Variants in LRRTM4 observed in about 807,000 individuals in gnomAD.
LRRTM4 encodes the protein leucine rich repeat transmembrane neuronal 4, also known as leucine-rich repeat transmembrane neuronal protein 4.
Under a neutral mutation model 47.6 loss-of-function variants are expected in LRRTM4, and 25 were observed. That is an observed-to-expected ratio of 0.53 (90% CI 0.38 to 0.73). LRRTM4 has a LOEUF of 0.73. Among genes scored for constraint, LRRTM4 ranks in the 30% least tolerant of loss-of-function variants. LRRTM4 has a pLI of 0.00. For missense variants in LRRTM4, 638 were observed against 713.4 expected, an observed-to-expected ratio of 0.89 and a Z score of 1.20; for synonymous variants, 311 against 269.5, an observed-to-expected ratio of 1.15 and a Z score of -1.51.
At chr2:77,456,998 G>A (rs1676572213) in intron 3 of LRRTM4, among the ~76,000 whole-genome samples, 1 of 30,398 alleles carries the variant, frequency 3.3e-5, no homozygotes, top group Non-Finnish European at 6.4e-5. Context: ...GTGTATGTGT[G>A]TGTGTGTATA....
intron 3 of LRRTM4, among the ~76,000 whole-genome samples, chr2:77,108,184 C>T (rs555366549): frequency 3.4e-4 from 52 of 151,942 alleles, no homozygotes; most frequent in African/African-American, 1.2e-3. Flanking sequence ...TCAGATATTG[C>T]AAAGGCCACA....
intron 3 of LRRTM4, among the ~76,000 whole-genome samples, chr2:77,480,833 GAGAGA>G (rs1193057909): frequency 0.042 from 2,064 of 48,636 alleles, 24 homozygotes; most frequent in African/African-American, 0.09. Flanking sequence ...GAGAGAGAGA[GAGAGA>G]GAGAGAGAGA....
At chr2:77,449,378 C>T (rs13387293) in intron 3 of LRRTM4, among the ~76,000 whole-genome samples, 6,159 of 152,078 alleles carry the variant, frequency 0.04, 132 homozygotes, top group Non-Finnish European at 0.057. Context: ...TAAAATGATA[C>T]GAGAATTGTG....
intron 3 of LRRTM4, among the ~76,000 whole-genome samples, chr2:77,101,315 G>A (rs966333429): frequency 5.6e-4 from 85 of 152,078 alleles, no homozygotes; most frequent in Non-Finnish European, 5.6e-4. Context: ...TAAAATCTGA[G>A]GAATAATTAT....
At chr2:77,164,064 C>T (rs1465747471) in intron 3 of LRRTM4, among the ~76,000 whole-genome samples, 1 of 152,108 alleles carries the variant, frequency 6.6e-6, no homozygotes, top group Non-Finnish European at 1.5e-5. Flanking sequence ...TCAGGAGACC[C>T]ATCTCACATG....
At chr2:77,356,067 C>CT (rs1671955864) in intron 3 of LRRTM4, among the ~76,000 whole-genome samples, 1 of 152,132 alleles carries the variant, frequency 6.6e-6, no homozygotes, top group African/African-American at 2.4e-5. Context: ...ACACTCCTGC[C>CT]TAGGCAACAA....
chr2:77,394,718 C>T (rs969035947), intron 3 of LRRTM4, among the ~76,000 whole-genome samples: 1 of 151,954 alleles, frequency 6.6e-6, no homozygotes, highest in African/African-American at 2.4e-5. Context: ...CTCATATTCA[C>T]TTTGGGGTAG....
At chr2:76,795,254 T>TAA (rs201586305) in intron 3 of LRRTM4, among the ~76,000 whole-genome samples, 4,356 of 152,210 alleles carry the variant, frequency 0.029, no homozygotes, top group African/African-American at 0.086. Flanking sequence ...TAAAAATCAT[T>TAA]TTTAATTGAC....
chr2:76,991,091 A>G (rs897097697), intron 3 of LRRTM4, among the ~76,000 whole-genome samples: 6 of 151,790 alleles, frequency 4.0e-5, no homozygotes, highest in Non-Finnish European at 7.4e-5. Context: ...ACATTCTTTG[A>G]AATAAACGAA....
intron 3 of LRRTM4, among the ~76,000 whole-genome samples, chr2:76,974,923 CT>C (rs1457376998): frequency 7.3e-5 from 11 of 151,318 alleles, no homozygotes; most frequent in Admixed American, 5.3e-4. Flanking sequence ...ATAATAATAT[CT>C]TTTTTCTCTT....
chr2:77,284,403 A>T (rs1374479361), intron 3 of LRRTM4, among the ~76,000 whole-genome samples: 1 of 152,118 alleles, frequency 6.6e-6, no homozygotes, highest in Non-Finnish European at 1.5e-5. Context: ...CACAAGTAAA[A>T]TGTTTTGCTT....
At chr2:77,313,502 T>G (rs577214047) in intron 3 of LRRTM4, among the ~76,000 whole-genome samples, 2 of 139,158 alleles carry the variant, frequency 1.4e-5, no homozygotes, top group Non-Finnish European at 3.1e-5. Context: ...GGAGTTGGTG[T>G]TGTGATGTTC....
intron 3 of LRRTM4, among the ~76,000 whole-genome samples, chr2:76,940,139 G>A (rs928209631): frequency 6.6e-6 from 1 of 151,986 alleles, no homozygotes; most frequent in African/African-American, 2.4e-5. Context: ...CCACTACTGG[G>A]TATATACCTA....
chr2:76,985,460 G>A (rs1676761110), intron 3 of LRRTM4, among the ~76,000 whole-genome samples: 1 of 151,940 alleles, frequency 6.6e-6, no homozygotes, highest in South Asian at 2.1e-4. Context: ...GAAGCAATAG[G>A]ATGTCCCTTC....
chr2:76,986,310 A>G (rs13021476), intron 3 of LRRTM4, among the ~76,000 whole-genome samples: 52,326 of 150,848 alleles, frequency 0.35, 9,850 homozygotes, highest in East Asian at 0.58. Context: ...GGCTGCAGGA[A>G]ATTTAGCACT....
At chr2:76,883,927 T>C (rs1672998892) in intron 3 of LRRTM4, among the ~76,000 whole-genome samples, 1 of 151,944 alleles carries the variant, frequency 6.6e-6, no homozygotes, top group African/African-American at 2.4e-5. Context: ...CAAATGATAC[T>C]CCTGCCTCAG....
chr2:77,451,428 G>A (rs1251998315), intron 3 of LRRTM4, among the ~76,000 whole-genome samples: 4 of 152,152 alleles, frequency 2.6e-5, no homozygotes, highest in East Asian at 1.9e-4. Flanking sequence ...GAACATGGAG[G>A]TTCACTGGAC....
At chr2:77,407,677 A>T (rs934635489) in intron 3 of LRRTM4, among the ~76,000 whole-genome samples, 1 of 122,632 alleles carries the variant, frequency 8.2e-6, no homozygotes, top group South Asian at 2.5e-4. Flanking sequence ...ATAATTATAT[A>T]ATATTTAATA....
chr2:77,247,038 T>C (rs537093916), intron 3 of LRRTM4, among the ~76,000 whole-genome samples: 2 of 152,158 alleles, frequency 1.3e-5, no homozygotes, highest in African/African-American at 4.8e-5. Context: ...CAAAATCACA[T>C]TTTCACCTCT....
Sources: gnomAD v4.1 joint callset for allele counts (sites outside exome capture counted in the v4.1 genomes callset) on GRCh38, gnomAD v4.1.1 for gene constraint, MANE v1.5 for transcripts, NCBI Gene and HGNC (gene_info 2026-07-23, HGNC 2026-07-21) for gene names.